The following C9orf85 variants were observed in gnomAD, a reference collection of about 807,000 sequenced individuals.
The protein encoded by C9orf85 is chromosome 9 open reading frame 85.
Under a neutral mutation model 14.9 loss-of-function variants are expected in C9orf85, and 16 were observed. The ratio of observed to expected loss-of-function variants is 1.08; its 90% CI spans 0.73 to 1.63. The LOEUF is 1.63. Ranked by LOEUF, C9orf85 falls within the 40% of genes most tolerant of loss-of-function variation. The probability of loss-of-function intolerance (pLI) is 0.00; values close to 1 mark genes in which losing one functional copy is unlikely to be tolerated. For synonymous variants in C9orf85, 45 were observed against 56.8 expected, an observed-to-expected ratio of 0.79 and a Z score of 0.93; for missense variants, 172 against 186.1, an observed-to-expected ratio of 0.92 and a Z score of 0.44.
rs752367752 is a variant in C9orf85, at chr9:71,947,021, C to A, written c.118C>A (p.Leu40Ile). ...SVQTKKINAK[L>I]HDGVCQRCKE... ...TGTTTTTAAGAAAATTAATGCAAAA[C>A]TTCATGATGGAGTATGTCAGCGCTG... is the stretch of plus-strand genomic sequence containing the variant. The change falls in exon 2 of 4, where the codon CTT becomes ATT. Residue 40 changes from leucine (L) to isoleucine (I), a missense_variant. By Grantham distance (5) the Leu-to-Ile change is conservative (BLOSUM62 2). Transcript: ENST00000334731. 2 of 1,611,652 alleles carry A rather than the reference C, an allele frequency of 1.2e-6. No individual in the cohort carries two copies. Among genetic ancestry groups the A allele is most frequent in the Non-Finnish European group, 1.7e-6 (2 of 1,178,722 alleles).
intron 1 of C9orf85, among the ~76,000 whole-genome samples, chr9:71,924,371 T>TAAA (rs1554706153): frequency 1.4e-3 from 1 of 692 alleles, no homozygotes; most frequent in Non-Finnish European, 0.045. Context: ...TCTAAAATGT[T>TAAA]AACGCAAATT....
chr9:71,946,964 C>T (rs747167785), intron 1 of C9orf85, 42 bp from the exon 2 acceptor site: 1 of 1,393,404 alleles, frequency 7.2e-7, no homozygotes, highest in Admixed American at 1.8e-5. Flanking sequence ...AATGCTGGCT[C>T]ACGCGTGAAA....
intron 1 of C9orf85, among the ~76,000 whole-genome samples, chr9:71,939,816 A>G (rs1176005752): frequency 6.6e-6 from 1 of 152,174 alleles, no homozygotes; most frequent in Admixed American, 6.5e-5. Context: ...ACACATACTT[A>G]ATTTTTGAGA....
intron 2 of C9orf85, among the ~76,000 whole-genome samples, chr9:71,951,313 G>T (rs1377736121): frequency 1.3e-5 from 2 of 152,094 alleles, no homozygotes; most frequent in African/African-American, 2.4e-5. Flanking sequence ...AAGATGAGGG[G>T]ATAAAAAGCA....
At chr9:71,937,819 G>A (rs527924666) in intron 1 of C9orf85, among the ~76,000 whole-genome samples, 1 of 152,214 alleles carries the variant, frequency 6.6e-6, no homozygotes, top group East Asian at 1.9e-4. Context: ...ATATATGTGT[G>A]CATATCAGGT....
intron 1 of C9orf85, among the ~76,000 whole-genome samples, chr9:71,939,834 A>G (rs1253990618): frequency 6.6e-6 from 1 of 152,208 alleles, no homozygotes; most frequent in East Asian, 1.9e-4. Context: ...AGAAAGGTAC[A>G]AAGGCATTTC....
intron 2 of C9orf85, among the ~76,000 whole-genome samples, chr9:71,956,808 C>T (rs1022869100): frequency 6.6e-6 from 1 of 152,140 alleles, no homozygotes; most frequent in Non-Finnish European, 1.5e-5. Flanking sequence ...ATACTAGGGT[C>T]ATAGCCAGAG....
chr9:71,922,175 G>A lies in C9orf85; in HGVS notation c.102+10339G>A, dbSNP rs370364448. ...AGGCTGGTCTCGAACTTCTGACCTC[G>A]TGATCCACCTGCCTCAGTCTCCCAA... is the stretch of plus-strand genomic sequence containing the variant. On this transcript the variant is annotated intron_variant, in intron 1 of 3. Transcript: ENST00000334731. 9.3e-4 allele frequency among the ~76,000 whole-genome samples: 142 copies of A among 152,070 alleles called. 1 individual carries two copies. The highest frequency in any genetic ancestry group is 2.7e-3 in the African/African-American group (112 of 41,476).
chr9:71,960,164 A>C (rs1259798253), intron 2 of C9orf85, among the ~76,000 whole-genome samples: 1 of 152,224 alleles, frequency 6.6e-6, no homozygotes, highest in African/African-American at 2.4e-5. Flanking sequence ...ACTTAAAGGT[A>C]GAAGAGTGGT....
At chr9:71,946,981 A>G in intron 1 of C9orf85, 25 bp from the exon 2 acceptor site, 1 of 1,548,604 alleles carries the variant, frequency 6.5e-7, no homozygotes, top group Non-Finnish European at 8.9e-7. Context: ...GAAATTCTCA[A>G]TTTGTCTTTC....
intron 1 of C9orf85, among the ~76,000 whole-genome samples, chr9:71,942,709 C>A (rs1378409951): frequency 6.6e-6 from 1 of 152,148 alleles, no homozygotes; most frequent in Non-Finnish European, 1.5e-5. Context: ...TCGAGACCAG[C>A]CTAGCCAACA....
intron 1 of C9orf85, among the ~76,000 whole-genome samples, chr9:71,945,883 C>A (rs1822075034): frequency 6.6e-6 from 1 of 152,186 alleles, no homozygotes; most frequent in Non-Finnish European, 1.5e-5. Flanking sequence ...CAAGCTTTCA[C>A]AGCCAAAGCA....
downstream of C9orf85, among the ~76,000 whole-genome samples, chr9:71,975,145 T>TCAAGA (rs1434515240): frequency 6.6e-6 from 1 of 152,128 alleles, no homozygotes; most frequent in Admixed American, 6.6e-5. Flanking sequence ...TAAAATCTTA[T>TCAAGA]CAAGACATTA....
intron 1 of C9orf85, among the ~76,000 whole-genome samples, chr9:71,916,923 T>G (rs574620922): frequency 1.3e-5 from 2 of 152,314 alleles, no homozygotes; most frequent in Non-Finnish European, 2.9e-5. Context: ...CTATGTATAC[T>G]TGCTATACAT....
At chr9:71,931,163 T>C (rs891808578) in intron 1 of C9orf85, among the ~76,000 whole-genome samples, 1 of 152,216 alleles carries the variant, frequency 6.6e-6, no homozygotes, top group African/African-American at 2.4e-5. Context: ...ACTTTAGTCA[T>C]ACAGAGTGAG....
intron 2 of C9orf85, among the ~76,000 whole-genome samples, chr9:71,966,265 G>A (rs1488059634): frequency 2.0e-5 from 3 of 152,154 alleles, no homozygotes; most frequent in East Asian, 3.8e-4. Context: ...TGCCTGATTC[G>A]TGAATCATTC....
intron 1 of C9orf85, among the ~76,000 whole-genome samples, chr9:71,927,457 AG>A (rs1397629803): frequency 7.4e-4 from 113 of 152,306 alleles, no homozygotes; most frequent in African/African-American, 2.5e-3. Context: ...ATCTTTTAGA[AG>A]AAAAAAAAGT....
Position 71,947,060 on chromosome 9 carries a change from G to A in C9orf85, c.157G>A (p.Glu53Lys), listed in dbSNP as rs746773159. ...ATGTCAGCGCTGTAAAGAAGTTCTTGAGTGGCGTGTAAAATACAGCAAATA... is the reference window on the plus strand; with the variant it reads ...ATGTCAGCGCTGTAAAGAAGTTCTTAAGTGGCGTGTAAAATACAGCAAATA... ...GVCQRCKEVL[E>K]WRVKYSKYKP... Residue 53 changes from glutamate (E) to lysine (K), a missense_variant, in exon 2 of 4, where the codon GAG becomes AAG. By Grantham distance (56) the Glu-to-Lys change is moderately conservative (BLOSUM62 1). Transcript: ENST00000334731. The A allele has an allele frequency of 6.2e-7, 1 of 1,613,552 alleles. No homozygotes were observed. The highest frequency in any genetic ancestry group is 8.5e-7 in the Non-Finnish European group (1 of 1,179,718).
At chr9:71,958,889 T>C (rs1053346182) in intron 2 of C9orf85, among the ~76,000 whole-genome samples, 20 of 152,116 alleles carry the variant, frequency 1.3e-4, no homozygotes, top group Admixed American at 5.2e-4. Flanking sequence ...CCTCAAGATA[T>C]TATATAAGTT....
Sources: gnomAD v4.1 joint callset for allele counts (sites outside exome capture counted in the v4.1 genomes callset) on GRCh38, gnomAD v4.1.1 for gene constraint, MANE v1.5 for transcripts, NCBI Gene and HGNC (gene_info 2026-07-23, HGNC 2026-07-21) for gene names.